The following FBXW10B variants were observed in gnomAD, a reference collection of about 807,000 sequenced individuals.
FBXW10B encodes the protein F-box and WD repeat domain containing protein 10B.
chr17:15,597,462 C>CCA, the FBXW10B span, among the ~76,000 whole-genome samples: 2 of 88,740 alleles, frequency 2.3e-5, no homozygotes, highest in African/African-American at 1.4e-4. Context: ...CCCGTCTCTA[C>CCA]TAAAAAAAAA....
At chr17:15,603,921 A>G in the FBXW10B span, among the ~76,000 whole-genome samples, 4 of 107,514 alleles carry the variant, frequency 3.7e-5, no homozygotes, top group South Asian at 1.1e-3. Context: ...AAAATACAAA[A>G]AAAAAAAAAA....
the FBXW10B span, among the ~76,000 whole-genome samples, chr17:15,608,162 ATTTT>A: frequency 0.16 from 21,016 of 129,310 alleles, 1,815 homozygotes; most frequent in East Asian, 0.26. Context: ...ATGCATTTGC[ATTTT>A]TTTTTTTTTT....
At chr17:15,588,311 A>G in the FBXW10B span, 1 of 166,226 alleles carries the variant, frequency 6.0e-6, no homozygotes, top group Non-Finnish European at 1.3e-5. Context: ...GAGGCACATC[A>G]TTGCTACTCA....
the FBXW10B span, among the ~76,000 whole-genome samples, chr17:15,586,057 C>T: frequency 3.3e-5 from 5 of 151,656 alleles, no homozygotes; most frequent in Admixed American, 3.3e-4. Context: ...GTTTTGGCAC[C>T]CACTGAGTGG....
chr17:15,615,275 G>A, the FBXW10B span, among the ~76,000 whole-genome samples: 1 of 146,682 alleles, frequency 6.8e-6, no homozygotes, highest in Non-Finnish European at 1.5e-5. Context: ...AGCCCCTCCA[G>A]TTCCACTGGG....
chr17:15,598,110 T>A, the FBXW10B span, among the ~76,000 whole-genome samples: 28 of 152,204 alleles, frequency 1.8e-4, no homozygotes, highest in African/African-American at 6.5e-4. Flanking sequence ...CTAGTGAGGA[T>A]TAAATAATGT....
At chr17:15,596,130 C>A in the FBXW10B span, among the ~76,000 whole-genome samples, 1 of 152,076 alleles carries the variant, frequency 6.6e-6, no homozygotes, top group Non-Finnish European at 1.5e-5. Context: ...TCATGATCCG[C>A]CTGCCTCAGC....
At chr17:15,578,603 GTGTTATGGGA>G in the FBXW10B span, among the ~76,000 whole-genome samples, 2 of 152,098 alleles carry the variant, frequency 1.3e-5, no homozygotes, top group African/African-American at 2.4e-5. Flanking sequence ...CAGGCATTGG[GTGTTATGGGA>G]TCCAGGAGTA....
At chr17:15,606,568 A>C in the FBXW10B span, among the ~76,000 whole-genome samples, 1 of 142,426 alleles carries the variant, frequency 7.0e-6, no homozygotes. Flanking sequence ...TGTTCTTTAA[A>C]CTACATATAT....
chr17:15,595,322 G>C, the FBXW10B span, among the ~76,000 whole-genome samples: 1 of 151,862 alleles, frequency 6.6e-6, no homozygotes, highest in Non-Finnish European at 1.5e-5. Context: ...CCTGGTGACA[G>C]AGCGAGACTC....
the FBXW10B span, among the ~76,000 whole-genome samples, chr17:15,578,142 G>A: frequency 1.3e-5 from 2 of 152,218 alleles, no homozygotes; most frequent in Admixed American, 6.5e-5. Context: ...AATTAGACAC[G>A]TTCACAGAAC....
At chr17:15,572,230 TTGGGGTCCGATTGCC>T in the FBXW10B span, 5 of 152,112 alleles carry the variant, frequency 3.3e-5, no homozygotes, top group Non-Finnish European at 7.3e-5. Context: ...ACATAAGATT[TTGGGGTCCGATTGCC>T]TGGAATCAAA....
the FBXW10B span, among the ~76,000 whole-genome samples, chr17:15,569,402 T>C: frequency 6.6e-6 from 1 of 152,108 alleles, no homozygotes; most frequent in Non-Finnish European, 1.5e-5. Context: ...GTTGAGCATT[T>C]TTTCATATAC....
chr17:15,602,624 G>GTTTTTTT, the FBXW10B span, among the ~76,000 whole-genome samples: 2 of 75,398 alleles, frequency 2.7e-5, no homozygotes, highest in South Asian at 4.8e-4. Context: ...TTGAGACCGA[G>GTTTTTTT]TTTTTTTTTT....
At chr17:15,595,574 C>T in the FBXW10B span, among the ~76,000 whole-genome samples, 2 of 151,982 alleles carry the variant, frequency 1.3e-5, no homozygotes, top group African/African-American at 4.8e-5. Flanking sequence ...CATCCCAGCT[C>T]CTTGCCAGAA....
At chr17:15,615,660 C>G in the FBXW10B span, 1 of 1,613,794 alleles carries the variant, frequency 6.2e-7, no homozygotes, top group South Asian at 1.1e-5. Context: ...TTAGATGCTG[C>G]CCCAAGGAAG....
At chr17:15,597,409 C>T in the FBXW10B span, among the ~76,000 whole-genome samples, 1 of 150,022 alleles carries the variant, frequency 6.7e-6, no homozygotes, top group South Asian at 2.1e-4. Context: ...GGGTGGATTA[C>T]CAGGTCAGGA....
chr17:15,596,352 C>G, the FBXW10B span: 1 of 639,660 alleles, frequency 1.6e-6, no homozygotes, highest in Non-Finnish European at 1.9e-6. Flanking sequence ...TCCACGGACT[C>G]TGAATGCCTC....
At chr17:15,601,207 A>T in the FBXW10B span, among the ~76,000 whole-genome samples, 20 of 149,960 alleles carry the variant, frequency 1.3e-4, no homozygotes, top group African/African-American at 4.4e-4. Flanking sequence ...CAGGAGATCG[A>T]GACCATCCTG....
Sources: allele counts gnomAD v4.1 joint callset (sites outside exome capture counted in the v4.1 genomes callset), GRCh38; gene constraint gnomAD v4.1.1; transcripts MANE v1.5; gene names NCBI Gene and HGNC (gene_info 2026-07-23, HGNC 2026-07-21).